OSBPL9: variants seen among roughly 807,000 people sequenced by gnomAD.
The protein encoded by OSBPL9 is oxysterol binding protein like 9.
Under a neutral mutation model 106.6 loss-of-function variants are expected in OSBPL9, and 40 were observed. That is an observed-to-expected ratio of 0.38 (90% CI 0.29 to 0.49). The LOEUF is 0.49. Among genes scored for constraint, OSBPL9 ranks in the 20% least tolerant of loss-of-function variants. The pLI, the probability that OSBPL9 is intolerant of heterozygous loss-of-function variation, is 0.97. For missense variants in OSBPL9, 609 were observed against 887.2 expected, an observed-to-expected ratio of 0.69 and a Z score of 3.98; for synonymous variants, 269 against 295.4, an observed-to-expected ratio of 0.91 and a Z score of 0.92.
intron 1 of OSBPL9, among the ~76,000 whole-genome samples, chr1:51,647,435 A>C (rs1228122784): frequency 1.3e-5 from 2 of 152,168 alleles, no homozygotes; most frequent in East Asian, 3.9e-4. Context: ...TATAGAAAAA[A>C]TTGGAAAGTG....
chr1:51,772,838 T>C, intron 14 of OSBPL9, 115 bp downstream of exon 14: 1 of 755,844 alleles, frequency 1.3e-6, no homozygotes, highest in Admixed American at 1.9e-5. Context: ...TACCTGTGTC[T>C]TCTTGTGATT....
intron 1 of OSBPL9, among the ~76,000 whole-genome samples, chr1:51,645,999 C>T (rs185403052): frequency 6.6e-6 from 1 of 152,192 alleles, no homozygotes; most frequent in Non-Finnish European, 1.5e-5. Flanking sequence ...CAGTACCACA[C>T]TGTCTATTAT....
Position 51,782,606 on chromosome 1 carries a change from A to C in OSBPL9, c.1476A>C (p.Val492=). The C allele has an allele frequency of 6.2e-7, 1 of 1,614,068 alleles. No individual in the cohort carries two copies. The highest frequency in any genetic ancestry group is 8.5e-7 in the Non-Finnish European group (1 of 1,179,944). ...GPVPWVSKNS[V]TFVAEQVSHH... The stretch of plus-strand genomic sequence containing the variant: ...TTCCCTGGGTTTCCAAAAACAGTGT[A>C]ACATTTGTGGCTGAGCAGGTTTCCC... The change falls in exon 17 of 24, where the codon GTA becomes GTC. Residue 492 remains valine (V), a synonymous_variant. Transcript: ENST00000428468.
intron 1 of OSBPL9, among the ~76,000 whole-genome samples, chr1:51,631,940 C>A (rs1267807791): frequency 6.6e-6 from 1 of 152,128 alleles, no homozygotes; most frequent in East Asian, 1.9e-4. Flanking sequence ...GGCTCAGTAT[C>A]ATCAGTATCA....
At position 51,635,917 on chromosome 1, in the gene OSBPL9, C is replaced by A. The variant is rs550076325; in HGVS notation, c.112-16074C>A. ...TGATACGCTCATTTGGAAGTAAAGC[C>A]TATCTTGAACTGATGTGTGGCTATT... On this transcript the variant is annotated intron_variant, in intron 1 of 23. Coordinates refer to ENST00000428468, the MANE Select transcript of OSBPL9 (RefSeq NM_024586.6). 2.0e-5 allele frequency among the ~76,000 whole-genome samples: 3 copies of A among 152,070 alleles called. No homozygotes were observed. In the South Asian group the frequency reaches 6.2e-4, roughly 32 times the overall value.
chr1:51,589,121 C>T (rs1645261169), intron 1 of OSBPL9, among the ~76,000 whole-genome samples: 1 of 151,940 alleles, frequency 6.6e-6, no homozygotes, highest in South Asian at 2.1e-4. Context: ...CAGGGTCTCC[C>T]TCTGTCACCC....
At chr1:51,727,348 G>T (rs561221428) in intron 4 of OSBPL9, among the ~76,000 whole-genome samples, 1 of 152,150 alleles carries the variant, frequency 6.6e-6, no homozygotes, top group Admixed American at 6.5e-5. Context: ...ATTTATCAGA[G>T]AATTAATGTT....
chr1:51,588,753 A>C (rs1645259429), intron 1 of OSBPL9, among the ~76,000 whole-genome samples: 1 of 152,244 alleles, frequency 6.6e-6, no homozygotes, highest in South Asian at 2.1e-4. Flanking sequence ...TCTGATAACC[A>C]GGAAGGGTTT....
At chr1:51,597,819 A>C (rs1311744287) in intron 1 of OSBPL9, among the ~76,000 whole-genome samples, 3 of 152,186 alleles carry the variant, frequency 2.0e-5, no homozygotes, top group African/African-American at 7.2e-5. Flanking sequence ...GGAGTGTCAA[A>C]ATTGCAATTC....
the OSBPL9 span, among the ~76,000 whole-genome samples, chr1:51,543,174 T>A: frequency 6.6e-6 from 1 of 152,226 alleles, no homozygotes; most frequent in African/African-American, 2.4e-5. Context: ...ATTTATTGTA[T>A]CTCAGAGATG....
chr1:51,570,237 C>T, the OSBPL9 span, among the ~76,000 whole-genome samples: 1 of 152,238 alleles, frequency 6.6e-6, no homozygotes, highest in Non-Finnish European at 1.5e-5. Context: ...TCACTGCTAA[C>T]ATTCACTGAA....
At chr1:51,651,156 C>T (rs1223560652) in intron 1 of OSBPL9, among the ~76,000 whole-genome samples, 2 of 152,102 alleles carry the variant, frequency 1.3e-5, no homozygotes, top group African/African-American at 4.8e-5. Flanking sequence ...GGAATGACAA[C>T]GAGGCAGAAC....
intron 4 of OSBPL9, among the ~76,000 whole-genome samples, chr1:51,741,301 G>T (rs1666845476): frequency 6.6e-6 from 1 of 152,022 alleles, no homozygotes; most frequent in South Asian, 2.1e-4. Flanking sequence ...TGGATACATA[G>T]ATTCTGGATG....
intron 2 of OSBPL9, among the ~76,000 whole-genome samples, chr1:51,608,959 T>C (rs571957075): frequency 6.6e-6 from 1 of 150,866 alleles, no homozygotes; most frequent in African/African-American, 2.4e-5. Context: ...CTTCCATCCC[T>C]TTTTTTTTCA....
chr1:51,585,642 G>A (rs1157120800), intron 1 of OSBPL9, among the ~76,000 whole-genome samples: 1 of 152,016 alleles, frequency 6.6e-6, no homozygotes, highest in Non-Finnish European at 1.5e-5. Context: ...CCTGCGTGGT[G>A]GTGCGCACCT....
chr1:51,567,069 T>C, the OSBPL9 span: 1 of 152,258 alleles, frequency 6.6e-6, no homozygotes, highest in African/African-American at 2.4e-5. Flanking sequence ...ACTTTCCTTC[T>C]GTGATTATCT....
At chr1:51,769,793 C>A (rs1673438774) in intron 12 of OSBPL9, among the ~76,000 whole-genome samples, 1 of 152,016 alleles carries the variant, frequency 6.6e-6, no homozygotes, top group Non-Finnish European at 1.5e-5. Flanking sequence ...TCACTTGGCT[C>A]AGACATGGTT....
intron 4 of OSBPL9, among the ~76,000 whole-genome samples, chr1:51,733,547 G>T (rs895444372): frequency 1.3e-5 from 2 of 152,166 alleles, no homozygotes; most frequent in African/African-American, 4.8e-5. Context: ...GGCCCAGGCT[G>T]GCAGATCACC....
chr1:51,585,636 C>T (rs940869818), intron 1 of OSBPL9, among the ~76,000 whole-genome samples: 7 of 151,890 alleles, frequency 4.6e-5, no homozygotes, highest in African/African-American at 1.2e-4. Context: ...ATTGGCCCTG[C>T]GTGGTGGTGC....
Sources: gnomAD v4.1 joint callset for allele counts (sites outside exome capture counted in the v4.1 genomes callset) on GRCh38, gnomAD v4.1.1 for gene constraint, MANE v1.5 for transcripts, NCBI Gene and HGNC (gene_info 2026-07-23, HGNC 2026-07-21) for gene names.